CAMK1D: variants seen among roughly 807,000 people sequenced by gnomAD.
The protein encoded by CAMK1D is calcium/calmodulin dependent protein kinase ID, also known as calcium/calmodulin-dependent protein kinase type 1D.
A neutral mutation model predicts 47.7 loss-of-function variants in CAMK1D; 9 were observed. The ratio of observed to expected loss-of-function variants is 0.19; its 90% CI spans 0.11 to 0.33. CAMK1D has a LOEUF of 0.33. Ranked by LOEUF, CAMK1D falls within the 10% of genes least tolerant of loss-of-function variation. The pLI is 1.00. For synonymous variants in CAMK1D, 184 were observed against 184.9 expected (o/e 0.99, Z 0.04); for missense variants, 291 against 488.7 (o/e 0.60, Z 3.81).
At chr10:12,530,700 G>T (rs1018935471) in intron 1 of CAMK1D, among the ~76,000 whole-genome samples, 2 of 152,180 alleles carry the variant, frequency 1.3e-5, no homozygotes, top group African/African-American at 4.8e-5. Context: ...TAGTTTTGCA[G>T]ATTACTTTTT....
rs139838737 is a variant in CAMK1D at position 12,825,594 on chromosome 10, G to T, written c.943G>T (p.Val315Phe). The T allele has an allele frequency of 1.9e-6, 3 of 1,608,778 alleles. No homozygotes were observed. The African/African-American group carries it at 4.0e-5, about 22-fold the overall frequency. ...TCAGCAAGCATTTAATGCCACGGCC[G>T]TCGTCAGACATATGAGAAAACTACA... ...KWRQAFNATAVVRHMRKLHLG... is the reference protein window; with the variant it reads ...KWRQAFNATAFVRHMRKLHLG... Residue 315 changes from valine to phenylalanine, a missense_variant, in exon 10 of 11, where the codon GTC (valine) becomes TTC (phenylalanine). Physicochemically the swap from Val to Phe is conservative, Grantham distance 50. Coordinates refer to ENST00000619168, the MANE Select transcript of CAMK1D (RefSeq NM_153498.4).
chr10:12,492,774 C>T (rs932531808), intron 1 of CAMK1D, among the ~76,000 whole-genome samples: 1 of 152,246 alleles, frequency 6.6e-6, no homozygotes, highest in Non-Finnish European at 1.5e-5. Context: ...GTTGTGGGCT[C>T]CCCACCACAC....
At chr10:12,421,480 C>G (rs1034053840) in intron 1 of CAMK1D, among the ~76,000 whole-genome samples, 17 of 144,428 alleles carry the variant, frequency 1.2e-4, no homozygotes, top group African/African-American at 4.3e-4. Flanking sequence ...CACTGTCTCC[C>G]TTGGTCATGC....
intron 1 of CAMK1D, among the ~76,000 whole-genome samples, chr10:12,477,849 C>A (rs866142556): frequency 6.6e-6 from 1 of 152,154 alleles, no homozygotes; most frequent in Non-Finnish European, 1.5e-5. Context: ...GCCATCGTTT[C>A]AGGCAGTGGT....
At chr10:12,387,378 A>ATTT in intron 1 of CAMK1D, among the ~76,000 whole-genome samples, 1 of 33,170 alleles carries the variant, frequency 3.0e-5, no homozygotes, top group Admixed American at 5.7e-4. Flanking sequence ...TATATATTAT[A>ATTT]TATTATATAT....
intron 3 of CAMK1D, among the ~76,000 whole-genome samples, chr10:12,735,742 G>A (rs1246582140): frequency 7.3e-5 from 11 of 151,432 alleles, no homozygotes; most frequent in African/African-American, 2.4e-4. Flanking sequence ...AGCCTGGCAC[G>A]TTCTAATCCC....
At chr10:12,559,326 C>T (rs565098174) in intron 2 of CAMK1D, among the ~76,000 whole-genome samples, 13 of 152,062 alleles carry the variant, frequency 8.5e-5, no homozygotes, top group East Asian at 1.9e-4. Context: ...TATGCTGATG[C>T]GCAGGCCCCA....
chr10:12,469,065 A>C (rs1405746395), intron 1 of CAMK1D, among the ~76,000 whole-genome samples: 1 of 151,900 alleles, frequency 6.6e-6, no homozygotes, highest in Non-Finnish European at 1.5e-5. Flanking sequence ...AGAGATTCTG[A>C]GGGGATGGAG....
At chr10:12,761,427 T>C (rs373541751) in intron 4 of CAMK1D, among the ~76,000 whole-genome samples, 105 of 152,234 alleles carry the variant, frequency 6.9e-4, no homozygotes, top group South Asian at 2.1e-3. Flanking sequence ...CTCCTCCCGG[T>C]GCAGTTCCGC....
At chr10:12,457,464 C>T (rs1250510525) in intron 1 of CAMK1D, among the ~76,000 whole-genome samples, 1 of 151,012 alleles carries the variant, frequency 6.6e-6, no homozygotes, top group East Asian at 2.0e-4. Context: ...AGGTGAAAAA[C>T]AGTGCATGGA....
At chr10:12,424,521 C>T (rs1382281412) in intron 1 of CAMK1D, among the ~76,000 whole-genome samples, 9 of 152,188 alleles carry the variant, frequency 5.9e-5, no homozygotes, top group Non-Finnish European at 1.0e-4. Context: ...CTGCCTCCTC[C>T]GTGAATTTCT....
rs533733733 is a variant in CAMK1D at position 12,542,375 on chromosome 10, A to C, written c.93-10850A>C. On this transcript the variant is annotated intron_variant, in intron 1 of 10. Coordinates refer to ENST00000619168, the MANE Select transcript of CAMK1D (RefSeq NM_153498.4). ...TAAAGTTAATAACACCATCAGTCTG[A>C]TTTGTATGTAGAATGACTAAAAAGC... Among the ~76,000 whole-genome samples the C allele has an allele frequency of 2.6e-5, 4 of 152,340 alleles. 1 individual carries two copies. The East Asian group carries it at 7.7e-4, about 29-fold the overall frequency.
chr10:12,377,492 A>T (rs1413497274), intron 1 of CAMK1D, among the ~76,000 whole-genome samples: 1 of 152,168 alleles, frequency 6.6e-6, no homozygotes, highest in Non-Finnish European at 1.5e-5. Flanking sequence ...TTCCCTTAAG[A>T]TTTTTTTGTT....
chr10:12,436,746 G>T (rs138523566), intron 1 of CAMK1D, among the ~76,000 whole-genome samples: 2 of 152,178 alleles, frequency 1.3e-5, no homozygotes, highest in African/African-American at 4.8e-5. Context: ...AGACCAACGG[G>T]TGATCTCAGT....
At chr10:12,776,251 C>G (rs1423023268) in intron 5 of CAMK1D, among the ~76,000 whole-genome samples, 1 of 152,196 alleles carries the variant, frequency 6.6e-6, no homozygotes, top group Non-Finnish European at 1.5e-5. Flanking sequence ...AGAAAGAAGG[C>G]AAGGATAATT....
chr10:12,552,110 G>T (rs1328942213), intron 1 of CAMK1D, among the ~76,000 whole-genome samples: 1 of 152,200 alleles, frequency 6.6e-6, no homozygotes, highest in Non-Finnish European at 1.5e-5. Flanking sequence ...AGTTCTGCAC[G>T]CAGGCCTTGC....
chr10:12,808,025 G>T (rs1234885130), intron 6 of CAMK1D, among the ~76,000 whole-genome samples: 2 of 152,186 alleles, frequency 1.3e-5, no homozygotes, highest in African/African-American at 4.8e-5. Context: ...CTCACATGCC[G>T]CACCGCAGCA....
intron 2 of CAMK1D, among the ~76,000 whole-genome samples, chr10:12,563,656 G>A (rs1022140298): frequency 3.9e-5 from 5 of 128,768 alleles, no homozygotes; most frequent in Admixed American, 8.0e-5. Flanking sequence ...CAGAAGAGGC[G>A]GAAGGTTTGA....
intron 1 of CAMK1D, among the ~76,000 whole-genome samples, chr10:12,520,121 C>T (rs1181567260): frequency 1.2e-5 from 1 of 80,180 alleles, no homozygotes; most frequent in African/African-American, 4.9e-5. Flanking sequence ...GGAGAGGCTC[C>T]TCACTTCCCA....
Sources: gnomAD v4.1 joint callset for allele counts (sites outside exome capture counted in the v4.1 genomes callset) on GRCh38, gnomAD v4.1.1 for gene constraint, MANE v1.5 for transcripts, NCBI Gene and HGNC (gene_info 2026-07-23, HGNC 2026-07-21) for gene names.